CDH4: variants seen among roughly 807,000 people sequenced by gnomAD.
CDH4 encodes the protein cadherin-4.
A neutral mutation model predicts 86.0 loss-of-function variants in CDH4; 33 were observed. The ratio of observed to expected loss-of-function variants is 0.38; its 90% CI spans 0.29 to 0.51. The LOEUF is 0.51. Among genes scored for constraint, CDH4 ranks in the 20% least tolerant of loss-of-function variants. CDH4 has a pLI of 0.86. For missense variants in CDH4, 1,114 were observed against 1,307.4 expected (o/e 0.85, Z 2.28); for synonymous variants, 555 against 549.4 (o/e 1.01, Z -0.14).
intron 2 of CDH4, among the ~76,000 whole-genome samples, chr20:61,381,085 C>T (rs1167827132): frequency 6.6e-6 from 1 of 152,124 alleles, no homozygotes; most frequent in Non-Finnish European, 1.5e-5. Flanking sequence ...CATAGGATGG[C>T]ACATTTTAAA....
chr20:61,803,973 A>G (rs1979980477), intron 4 of CDH4, among the ~76,000 whole-genome samples: 1 of 152,266 alleles, frequency 6.6e-6, no homozygotes, highest in Non-Finnish European at 1.5e-5. Context: ...AAACGAGTGA[A>G]ACTTTTTTGT....
Position 61,815,383 on chromosome 20 carries a change from A to G in CDH4, c.577-29285A>G, listed in dbSNP as rs76773782. Among the ~76,000 whole-genome samples the G allele has an allele frequency of 2.6e-5, 4 of 152,306 alleles. No individual in the cohort carries two copies. The East Asian group carries it at 7.7e-4, about 29-fold the overall frequency. On this transcript the variant is annotated intron_variant, in intron 4 of 15. Coordinates refer to ENST00000614565, the MANE Select transcript of CDH4 (RefSeq NM_001794.5). Reference sequence around the variant, plus strand: ...GCCCAGGCTTAGTGGCCTCTGTGATAACTCCAGTAACATCTATGCTGGTGA... The same window carrying G: ...GCCCAGGCTTAGTGGCCTCTGTGATGACTCCAGTAACATCTATGCTGGTGA...
chr20:61,743,533 G>A (rs751562482), intron 2 of CDH4, 30 bp from the exon 3 acceptor site: 21 of 1,536,852 alleles, frequency 1.4e-5, no homozygotes, highest in South Asian at 3.6e-5. Context: ...TGGCCAAGCC[G>A]ACCCTGACTC....
chr20:61,924,759 C>G (rs924501992), intron 11 of CDH4, among the ~76,000 whole-genome samples: 1 of 152,174 alleles, frequency 6.6e-6, no homozygotes, highest in African/African-American at 2.4e-5. Context: ...CTGGTCTTTC[C>G]CCCCAACGTC....
chr20:61,497,092 C>T (rs184808455), intron 2 of CDH4, among the ~76,000 whole-genome samples: 44 of 151,816 alleles, frequency 2.9e-4, no homozygotes, highest in African/African-American at 6.5e-4. Context: ...CATATTTTGA[C>T]TCTCCACCTG....
chr20:61,743,272 G>A (rs992983318), intron 2 of CDH4, among the ~76,000 whole-genome samples: 1 of 152,270 alleles, frequency 6.6e-6, no homozygotes, highest in Non-Finnish European at 1.5e-5. Context: ...TGAATTCGGA[G>A]ATAACAGCGG....
At chr20:61,723,584 G>C (rs1231400832) in intron 2 of CDH4, among the ~76,000 whole-genome samples, 1 of 152,192 alleles carries the variant, frequency 6.6e-6, no homozygotes, top group African/African-American at 2.4e-5. Flanking sequence ...TGCTCTTCTC[G>C]AGGGTTCCCT....
chr20:61,747,620 A>G (rs1311249369), intron 3 of CDH4, among the ~76,000 whole-genome samples: 1 of 152,232 alleles, frequency 6.6e-6, no homozygotes, highest in Non-Finnish European at 1.5e-5. Context: ...TGAAAACTAA[A>G]CCAAACAAAA....
intron 8 of CDH4, among the ~76,000 whole-genome samples, chr20:61,904,506 T>A (rs1216488146): frequency 6.6e-6 from 1 of 151,572 alleles, no homozygotes; most frequent in Non-Finnish European, 1.5e-5. Flanking sequence ...GTCTGCACCG[T>A]GTCCCCCTGG....
At chr20:61,455,591 GGACTAGCCAGC>G (rs2085402592) in intron 2 of CDH4, among the ~76,000 whole-genome samples, 1 of 152,200 alleles carries the variant, frequency 6.6e-6, no homozygotes. Flanking sequence ...TAAACTTCTA[GGACTAGCCAGC>G]GACTAGCCAG....
intron 4 of CDH4, among the ~76,000 whole-genome samples, chr20:61,821,352 C>T (rs1319087254): frequency 8.1e-6 from 1 of 122,720 alleles, no homozygotes; most frequent in East Asian, 2.5e-4. Flanking sequence ...CCCAGATCCA[C>T]TGCTCCAGTC....
Position 61,923,488 on chromosome 20 carries a change from C to T in CDH4, c.1412C>T (p.Thr471Ile), listed in dbSNP as rs1309693430. Residue 471 changes from threonine to isoleucine, a missense_variant, in exon 10 of 16, where the codon ACA becomes ATA. Thr to Ile is a moderately conservative substitution (Grantham distance 89). Transcript: ENST00000614565. Reference protein sequence around the residue: ...DYELNRAFMLTVMVSNQAPLA... With the variant: ...DYELNRAFMLIVMVSNQAPLA... ...GAGCTCAACAGAGCTTTCATGCTGA[C>T]AGTGATGGTGTCCAACCAGGCGCCC... 2.5e-6 allele frequency: 4 copies of T among 1,614,164 alleles called. No homozygotes were observed. The highest frequency in any genetic ancestry group is 1.1e-5 in the South Asian group (1 of 91,082).
At chr20:61,779,637 A>G (rs1478681027) in intron 4 of CDH4, among the ~76,000 whole-genome samples, 2 of 152,252 alleles carry the variant, frequency 1.3e-5, no homozygotes, top group Non-Finnish European at 2.9e-5. Context: ...CCATTGCTTC[A>G]CATCCAGCCA....
At position 61,417,310 on chromosome 20, in the gene CDH4, C is replaced by T. The variant is rs1354944930; in HGVS notation, c.169+162373C>T. Among the ~76,000 whole-genome samples the T allele has an allele frequency of 1.3e-5, 2 of 151,886 alleles. No homozygotes were observed. Among genetic ancestry groups the T allele is most frequent in the African/African-American group, 2.4e-5 (1 of 41,336 alleles). On this transcript the variant is annotated intron_variant, in intron 2 of 15. Transcript: ENST00000614565. This position sits in a 1 kb window ranked among gnomAD's most constrained non-coding sequence, Gnocchi z 4.0. The stretch of plus-strand genomic sequence containing the variant: ...CTCTGTCTTTCTCCATCTCCCTCTC[C>T]CTCCCTCTACCTCTCTTCTCTCTCC...
intron 2 of CDH4, among the ~76,000 whole-genome samples, chr20:61,445,416 C>T (rs2085343737): frequency 6.6e-6 from 1 of 152,190 alleles, no homozygotes; most frequent in African/African-American, 2.4e-5. Context: ...GCCATAGCAC[C>T]CCATGCCAAG....
At chr20:61,763,447 C>A (rs993629455) in intron 3 of CDH4, among the ~76,000 whole-genome samples, 1 of 152,202 alleles carries the variant, frequency 6.6e-6, no homozygotes, top group African/African-American at 2.4e-5. Flanking sequence ...GGCATTTTCA[C>A]GCAATGGCTA....
intron 2 of CDH4, among the ~76,000 whole-genome samples, chr20:61,448,329 C>G (rs186937406): frequency 5.3e-5 from 8 of 152,118 alleles, no homozygotes. Context: ...TCTTCCAGAC[C>G]GGAAAGGTAT....
intron 2 of CDH4, among the ~76,000 whole-genome samples, chr20:61,573,114 G>A (rs1310908962): frequency 2.6e-5 from 4 of 152,278 alleles, no homozygotes; most frequent in East Asian, 3.9e-4. Flanking sequence ...GGGGTGGCAT[G>A]TGGGTTTCCC....
At chr20:61,727,826 C>T (rs1308429080) in intron 2 of CDH4, among the ~76,000 whole-genome samples, 1 of 152,210 alleles carries the variant, frequency 6.6e-6, no homozygotes, top group African/African-American at 2.4e-5. Flanking sequence ...ACCCAAATGC[C>T]TCCCCCCGAC....
Sources: allele counts gnomAD v4.1 joint callset (sites outside exome capture counted in the v4.1 genomes callset), GRCh38; gene constraint gnomAD v4.1.1; non-coding constraint Gnocchi (gnomAD v3.1); transcripts MANE v1.5; gene names NCBI Gene and HGNC (gene_info 2026-07-23, HGNC 2026-07-21).